Variants in LRP6 observed in about 807,000 individuals in gnomAD.
LRP6 encodes the protein LDL receptor related protein 6.
A neutral mutation model predicts 184.1 loss-of-function variants in LRP6; 43 were observed. That is an observed-to-expected ratio of 0.23 (90% CI 0.18 to 0.30). The LOEUF (loss-of-function observed/expected upper bound fraction) is 0.30, where lower values mean the gene tolerates loss of function less well. Ranked by LOEUF, LRP6 falls within the 10% of genes least tolerant of loss-of-function variation. The probability of loss-of-function intolerance (pLI) is 1.00; values close to 1 mark genes in which losing one functional copy is unlikely to be tolerated. For synonymous variants in LRP6, 719 were observed against 684.9 expected (o/e 1.05, Z -0.78); for missense variants, 1,571 against 2,005.3 (o/e 0.78, Z 4.14).
intron 7 of LRP6, among the ~76,000 whole-genome samples, chr12:12,172,899 T>A (rs1295703716): frequency 6.6e-6 from 1 of 152,186 alleles, no homozygotes; most frequent in Non-Finnish European, 1.5e-5. Context: ...GCAATTACAG[T>A]GCTATATTCA....
At chr12:12,152,295 C>A (rs1950092794) in intron 12 of LRP6, among the ~76,000 whole-genome samples, 1 of 152,024 alleles carries the variant, frequency 6.6e-6, no homozygotes, top group African/African-American at 2.4e-5. Context: ...CTTTTTGTTC[C>A]CAGTTTCCAA....
At chr12:12,225,383 TG>T (rs1407300134) in intron 2 of LRP6, among the ~76,000 whole-genome samples, 1 of 152,040 alleles carries the variant, frequency 6.6e-6, no homozygotes, top group Non-Finnish European at 1.5e-5. Flanking sequence ...ACAGACAAGG[TG>T]ATAACAAAGG....
intron 1 of LRP6, among the ~76,000 whole-genome samples, chr12:12,262,814 T>C (rs1565735498): frequency 6.6e-6 from 1 of 152,138 alleles, no homozygotes; most frequent in Non-Finnish European, 1.5e-5. Context: ...TCCATACATA[T>C]TTGCTAAAAG....
At chr12:12,173,580 T>C (rs1195705144) in intron 7 of LRP6, among the ~76,000 whole-genome samples, 1 of 152,058 alleles carries the variant, frequency 6.6e-6, no homozygotes, top group Non-Finnish European at 1.5e-5. Context: ...TGGGCTCAAG[T>C]GATCTTCCCA....
chr12:12,202,575 G>A (rs1368418323), intron 3 of LRP6, among the ~76,000 whole-genome samples: 3 of 152,130 alleles, frequency 2.0e-5, no homozygotes, highest in Non-Finnish European at 4.4e-5. Flanking sequence ...ATAAAGTTTT[G>A]CTGCAACAGT....
intron 21 of LRP6, among the ~76,000 whole-genome samples, chr12:12,124,999 T>G (rs771205495): frequency 6.6e-6 from 1 of 152,190 alleles, no homozygotes; most frequent in Non-Finnish European, 1.5e-5. Context: ...CTTCCTCTTT[T>G]GGGAAGTCAT....
chr12:12,238,263 A>G (rs1014813014), intron 2 of LRP6, among the ~76,000 whole-genome samples: 3 of 151,488 alleles, frequency 2.0e-5, no homozygotes, highest in African/African-American at 2.4e-5. Flanking sequence ...AAATAATGAG[A>G]GAGAAGATAA....
At chr12:12,151,629 C>G (rs1313985200) in intron 12 of LRP6, among the ~76,000 whole-genome samples, 2 of 152,106 alleles carry the variant, frequency 1.3e-5, no homozygotes, top group African/African-American at 4.8e-5. Context: ...AAGAATTTTA[C>G]AACGTATATG....
chr12:12,135,323 TGGGGAGAGGAG>T, intron 16 of LRP6, 23 bp from the exon 17 acceptor site: 4 of 1,486,650 alleles, frequency 2.7e-6, no homozygotes, highest in Non-Finnish European at 3.7e-6. Context: ...GAGGTGAGGA[TGGGGAGAGGAG>T]GGGGAGTGGA....
intron 2 of LRP6, 22 bp from the exon 3 acceptor site, chr12:12,203,422 A>T (rs772020076): frequency 6.3e-7 from 1 of 1,575,564 alleles, no homozygotes; most frequent in South Asian, 1.1e-5. Flanking sequence ...AAAAATAATT[A>T]AAGCCATGAC....
At chr12:12,192,992 T>G (rs1863656666) in intron 3 of LRP6, among the ~76,000 whole-genome samples, 1 of 152,052 alleles carries the variant, frequency 6.6e-6, no homozygotes, top group Admixed American at 6.6e-5. Flanking sequence ...GAATTAATCT[T>G]AAAAGACTGA....
intron 2 of LRP6, among the ~76,000 whole-genome samples, chr12:12,227,668 C>A (rs1864666045): frequency 1.3e-5 from 2 of 152,248 alleles, no homozygotes; most frequent in Admixed American, 6.5e-5. Flanking sequence ...CTTGGCCTCC[C>A]AAAGTGCTGA....
intron 11 of LRP6, 81 bp from the exon 12 acceptor site, chr12:12,159,236 A>G (rs1226895657): frequency 1.6e-5 from 14 of 865,118 alleles, no homozygotes; most frequent in Non-Finnish European, 2.1e-5. Context: ...TGGCAAAAAG[A>G]AAAAAAAAAG....
At chr12:12,133,861 G>A (rs1949793040) in intron 17 of LRP6, among the ~76,000 whole-genome samples, 4 of 57,144 alleles carry the variant, frequency 7.0e-5, no homozygotes, top group Non-Finnish European at 9.6e-5. Flanking sequence ...GGGGGGGGGG[G>A]GAGGGTAAAG....
intron 7 of LRP6, among the ~76,000 whole-genome samples, chr12:12,167,167 C>G (rs1862900410): frequency 6.6e-6 from 1 of 152,172 alleles, no homozygotes; most frequent in Admixed American, 6.5e-5. Flanking sequence ...ATAAATGCCA[C>G]AATTCTAAGA....
chr12:12,221,985 T>G (rs1393305923), intron 2 of LRP6, among the ~76,000 whole-genome samples: 1 of 152,212 alleles, frequency 6.6e-6, no homozygotes, highest in Non-Finnish European at 1.5e-5. Flanking sequence ...AAATGCTTTA[T>G]GTACTTATAC....
At chr12:12,220,653 C>T (rs550232964) in intron 2 of LRP6, among the ~76,000 whole-genome samples, 4 of 149,294 alleles carry the variant, frequency 2.7e-5, no homozygotes, top group South Asian at 2.1e-4. Flanking sequence ...GGTTGGAATG[C>T]GGTGGTACAA....
At chr12:12,263,689 C>T (rs1363171073) in intron 1 of LRP6, among the ~76,000 whole-genome samples, 1 of 151,650 alleles carries the variant, frequency 6.6e-6, no homozygotes, top group Non-Finnish European at 1.5e-5. Context: ...TAAAAATTAG[C>T]CAAGTGTTAT....
At chr12:12,258,590 A>G (rs1865531367) in intron 1 of LRP6, among the ~76,000 whole-genome samples, 1 of 152,230 alleles carries the variant, frequency 6.6e-6, no homozygotes, top group Non-Finnish European at 1.5e-5. Context: ...TAAAGGGGAA[A>G]AAGGTCTACT....
Sources: allele counts gnomAD v4.1 joint callset (sites outside exome capture counted in the v4.1 genomes callset), GRCh38; gene constraint gnomAD v4.1.1; transcripts MANE v1.5; gene names NCBI Gene and HGNC (gene_info 2026-07-23, HGNC 2026-07-21).